SLIT3: variants seen among roughly 807,000 people sequenced by gnomAD.
The protein encoded by SLIT3 is slit guidance ligand 3.
A neutral mutation model predicts 184.0 loss-of-function variants in SLIT3; 68 were observed. The ratio of observed to expected loss-of-function variants is 0.37; its 90% CI spans 0.30 to 0.45. The LOEUF is 0.45. SLIT3 is among the 20% of genes least tolerant of loss of function. The pLI is 1.00. For missense variants in SLIT3, 1,707 were observed against 2,026.0 expected (o/e 0.84, Z 3.02); for synonymous variants, 831 against 828.6 (o/e 1.00, Z -0.05).
At chr5:168,844,680 G>A (rs1561963956) in intron 5 of SLIT3, 25 bp from the exon 6 acceptor site, 1 of 1,613,044 alleles carries the variant, frequency 6.2e-7, no homozygotes, top group Middle Eastern at 1.7e-4. Context: ...GGGAGAGCAT[G>A]AAGGCTGAGC....
chr5:168,760,781 G>A (rs914520887), intron 16 of SLIT3, 81 bp downstream of exon 16: 37 of 1,019,798 alleles, frequency 3.6e-5, no homozygotes, highest in Middle Eastern at 4.7e-4. Flanking sequence ...GGGAGAGGCC[G>A]GTCCCCTGGT....
At chr5:169,172,090 T>C (rs941364549) in intron 4 of SLIT3, among the ~76,000 whole-genome samples, 1 of 152,152 alleles carries the variant, frequency 6.6e-6, no homozygotes, top group South Asian at 2.1e-4. Flanking sequence ...TTTTCAACTT[T>C]AGTGGATAAA....
chr5:168,673,091 G>C, intron 33 of SLIT3, 86 bp downstream of exon 33: 1 of 1,346,790 alleles, frequency 7.4e-7, no homozygotes, highest in Non-Finnish European at 1.0e-6. Flanking sequence ...AGCCTTCCCT[G>C]ATTGGCTTTG....
chr5:169,100,093 G>T (rs1349072432), intron 4 of SLIT3, among the ~76,000 whole-genome samples: 2 of 152,194 alleles, frequency 1.3e-5, no homozygotes, highest in African/African-American at 4.8e-5. Flanking sequence ...TGCTAATGCT[G>T]GGGGTAAGTG....
At chr5:168,972,392 A>G (rs889885414) in intron 4 of SLIT3, among the ~76,000 whole-genome samples, 4 of 69,316 alleles carry the variant, frequency 5.8e-5, no homozygotes, top group Non-Finnish European at 1.1e-4. Flanking sequence ...GAGAAATCAG[A>G]AAAGAAAGAG....
At chr5:168,885,141 G>C (rs1157753918) in intron 4 of SLIT3, among the ~76,000 whole-genome samples, 7 of 152,176 alleles carry the variant, frequency 4.6e-5, no homozygotes, top group Non-Finnish European at 1.0e-4. Flanking sequence ...TGTGCTCTGA[G>C]CAGCTAGCTA....
At chr5:168,966,873 G>A (rs981986841) in intron 4 of SLIT3, among the ~76,000 whole-genome samples, 9 of 152,112 alleles carry the variant, frequency 5.9e-5, no homozygotes, top group African/African-American at 9.7e-5. Flanking sequence ...AATATAAACC[G>A]GTAATGTCTT....
chr5:169,049,646 C>T (rs946675470), intron 4 of SLIT3, among the ~76,000 whole-genome samples: 1 of 152,176 alleles, frequency 6.6e-6, no homozygotes, highest in African/African-American at 2.4e-5. Context: ...GCCCTAGACT[C>T]CCTGCAGGAT....
chr5:168,964,876 A>T (rs1037888935), intron 4 of SLIT3, among the ~76,000 whole-genome samples: 3 of 152,192 alleles, frequency 2.0e-5, no homozygotes, highest in African/African-American at 7.2e-5. Flanking sequence ...TAGGGCCCTT[A>T]ATACATTTCC....
intron 3 of SLIT3, among the ~76,000 whole-genome samples, chr5:169,239,336 T>C (rs888845770): frequency 2.6e-5 from 4 of 152,152 alleles, no homozygotes; most frequent in African/African-American, 9.6e-5. Context: ...GTTCTCAAGG[T>C]TATGCTGGCT....
chr5:169,036,828 T>C (rs1358832234), intron 4 of SLIT3, among the ~76,000 whole-genome samples: 2 of 152,160 alleles, frequency 1.3e-5, no homozygotes, highest in Non-Finnish European at 2.9e-5. Context: ...TTTCACTCGG[T>C]ATTAAGTTGG....
intron 3 of SLIT3, among the ~76,000 whole-genome samples, chr5:169,197,822 A>AC (rs1561732150): frequency 6.6e-6 from 1 of 152,046 alleles, no homozygotes. Flanking sequence ...TAAAAAAAAA[A>AC]CCAACTGGCT....
rs148887706 is a variant in SLIT3, at chr5:168,687,025, C to T, written c.3268G>A (p.Val1090Met). The T allele has an allele frequency of 2.0e-4, 325 of 1,614,242 alleles. No homozygotes were observed. Among genetic ancestry groups the T allele is most frequent in the Admixed American group, 4.2e-4 (25 of 60,030 alleles). ...AHKCRHGAQCVDTINGYTCTC... is the reference protein window; with the variant it reads ...AHKCRHGAQCMDTINGYTCTC... The stretch of plus-strand genomic sequence containing the variant: ...CATGTGTAGCCATTGATTGTGTCCA[C>T]GCACTGGGCCCCGTGGCGGCACTTG... The change falls in exon 30 of 36, where the codon GTG becomes ATG. Residue 1090 changes from valine (V) to methionine (M), a missense_variant. By Grantham distance (21) the Val-to-Met change is conservative. Transcript: ENST00000519560.
chr5:168,875,633 T>A (rs1183134659), intron 5 of SLIT3, among the ~76,000 whole-genome samples: 2 of 144,722 alleles, frequency 1.4e-5, no homozygotes, highest in Admixed American at 1.4e-4. Flanking sequence ...AAACTCCGCC[T>A]TAAAAAAAGA....
intron 4 of SLIT3, among the ~76,000 whole-genome samples, chr5:168,958,317 G>T (rs1364053881): frequency 6.6e-6 from 1 of 152,092 alleles, no homozygotes; most frequent in Non-Finnish European, 1.5e-5. Flanking sequence ...GTTTATGAAT[G>T]GTCAACTGCT....
At chr5:169,148,438 G>A (rs1389381348) in intron 4 of SLIT3, among the ~76,000 whole-genome samples, 1 of 152,220 alleles carries the variant, frequency 6.6e-6, no homozygotes, top group Non-Finnish European at 1.5e-5. Context: ...GGCAGGAACT[G>A]ACACAATTTA....
chr5:168,830,037 C>T (rs1581124658), intron 6 of SLIT3, among the ~76,000 whole-genome samples: 1 of 152,168 alleles, frequency 6.6e-6, no homozygotes, highest in African/African-American at 2.4e-5. Flanking sequence ...GATGGGCAGC[C>T]AACATGGGAC....
chr5:169,029,697 T>C (rs1377641762), intron 4 of SLIT3, among the ~76,000 whole-genome samples: 1 of 152,148 alleles, frequency 6.6e-6, no homozygotes, highest in Non-Finnish European at 1.5e-5. Context: ...AAGTAGAAAA[T>C]CAATTTCAAG....
chr5:168,756,013 C>T (rs1181457030), intron 16 of SLIT3, among the ~76,000 whole-genome samples: 1 of 152,218 alleles, frequency 6.6e-6, no homozygotes, highest in Non-Finnish European at 1.5e-5. Flanking sequence ...TCCAGCCTCC[C>T]AAGCAGACAG....
Sources: allele counts gnomAD v4.1 joint callset (sites outside exome capture counted in the v4.1 genomes callset), GRCh38; gene constraint gnomAD v4.1.1; transcripts MANE v1.5; gene names NCBI Gene and HGNC (gene_info 2026-07-23, HGNC 2026-07-21).